The following SYT15 variants were observed in gnomAD, a reference collection of about 807,000 sequenced individuals.
SYT15 encodes synaptotagmin-15.
In SYT15, 4 loss-of-function variants were observed where a neutral mutation model predicts 30.1. The ratio of observed to expected loss-of-function variants is 0.13; its 90% confidence interval spans 0.07 to 0.30. The LOEUF (loss-of-function observed/expected upper bound fraction) is 0.30. Among genes scored for constraint, SYT15 ranks in the 10% least tolerant of loss-of-function variants. SYT15 has a pLI of 1.00. For missense variants in SYT15, 49 were observed against 371.7 expected, an observed-to-expected ratio of 0.13 and a Z score of 7.14; for synonymous variants, 19 against 166.3, an observed-to-expected ratio of 0.11 and a Z score of 6.82.
In SYT15 at chr10:46,591,695, A is replaced by T. The variant is rs1845443699; in HGVS notation, c.*4048A>T. ...CTGATATTTTTGTCTGTTTTTCTAT[A>T]AATTACTGAGAGAGGATAAAGCCTG... On this transcript the variant is annotated 3_prime_UTR_variant, in exon 8 of 8. Transcript: ENST00000374321. The T allele has an allele frequency of 7.0e-6, 1 of 142,104 alleles. No homozygotes were observed. The highest frequency in any genetic ancestry group is 1.5e-5 in the Non-Finnish European group (1 of 65,976). The allele number at this position is 142,104 out of a possible 1,614,324, so 8.8% of individuals were successfully genotyped here.
chr10:46,584,244 C>T (rs1157899581), intron 5 of SYT15, among the ~76,000 whole-genome samples: 3 of 151,850 alleles, frequency 2.0e-5, no homozygotes, highest in Non-Finnish European at 4.4e-5. Context: ...GCCCACCACC[C>T]CCAGGAAGGC....
downstream of SYT15, among the ~76,000 whole-genome samples, chr10:46,595,511 C>T (rs370790938): frequency 6.4e-5 from 9 of 140,948 alleles, no homozygotes; most frequent in African/African-American, 2.5e-4. Context: ...AACGGGGTTT[C>T]TCCATGTTGG....
At chr10:46,596,363 G>A (rs1301832671), downstream of SYT15, 7 of 150,226 alleles carry the variant, frequency 4.7e-5, no homozygotes, top group East Asian at 1.9e-4. Flanking sequence ...GGAAGAAAAC[G>A]ATGATTTTTT....
downstream of SYT15, among the ~76,000 whole-genome samples, chr10:46,594,570 A>C (rs1364822596): frequency 7.0e-6 from 1 of 143,016 alleles, no homozygotes. Context: ...AGCTGCCTTG[A>C]CAACCTCAGT....
chr10:46,586,545 C>CAAA (rs1160617773), intron 7 of SYT15, among the ~76,000 whole-genome samples: 12 of 94,946 alleles, frequency 1.3e-4, no homozygotes, highest in African/African-American at 5.3e-4. Context: ...GACTTCGTCT[C>CAAA]AAAAAAAAAA....
downstream of SYT15, among the ~76,000 whole-genome samples, chr10:46,595,609 CA>C (rs1845653648): frequency 7.0e-6 from 1 of 142,314 alleles, no homozygotes; most frequent in Admixed American, 7.0e-5. Flanking sequence ...GCCACTGCGC[CA>C]GGCCTAATTT....
In SYT15 at chr10:46,590,617, C is replaced by T. The variant is rs1205746633; in HGVS notation, c.*2970C>T. The stretch of plus-strand genomic sequence containing the variant: ...GTATACAAATTGCAGTGGCTAGGAC[C>T]TCCAGCAGAATGCTGACTATAAGTA... On this transcript the variant is annotated 3_prime_UTR_variant, in exon 8 of 8. Coordinates refer to ENST00000374321, the MANE Select transcript of SYT15 (RefSeq NM_031912.5). 2 of 140,168 alleles carry T rather than the reference C, an allele frequency of 1.4e-5. No homozygotes were observed. Among genetic ancestry groups the T allele is most frequent in the Non-Finnish European group, 3.1e-5 (2 of 64,870 alleles). 8.7% of individuals were successfully genotyped at this position (140,168 alleles called of 1,614,324 possible).
At chr10:46,594,103 GT>G (rs1845579277), downstream of SYT15, 1 of 102,500 alleles carries the variant, frequency 9.8e-6, no homozygotes, top group Non-Finnish European at 1.9e-5. Context: ...CCTCCTTCCT[GT>G]TTTGTGGTGT....
chr10:46,594,534 CATG>C (rs1263706242), downstream of SYT15, among the ~76,000 whole-genome samples: 1 of 141,318 alleles, frequency 7.1e-6, no homozygotes, highest in Non-Finnish European at 1.5e-5. Context: ...CTCCCTTCTA[CATG>C]ATATCTCGGC....
chr10:46,596,373 T>A (rs1845686616), downstream of SYT15: 1 of 148,884 alleles, frequency 6.7e-6, no homozygotes, highest in Admixed American at 6.5e-5. Flanking sequence ...GATGATTTTT[T>A]AAACCATCTT....
At chr10:46,592,087 GT>G (rs1845469319), downstream of SYT15, 1 of 134,966 alleles carries the variant, frequency 7.4e-6, no homozygotes, top group Non-Finnish European at 1.6e-5. Context: ...ACCCATTTTT[GT>G]TTTTATTTTT....
chr10:46,584,009 CTACAACAG>C (rs1555039103), intron 5 of SYT15, 107 bp downstream of exon 5: 1 of 564,070 alleles, frequency 1.8e-6, no homozygotes, highest in African/African-American at 2.3e-5. Context: ...GCACACCACC[CTACAACAG>C]TGACTCAGGG....
At chr10:46,592,147 C>T (rs1423056505), downstream of SYT15, 1 of 141,896 alleles carries the variant, frequency 7.0e-6, no homozygotes, top group Non-Finnish European at 1.5e-5. Context: ...CCGTTTCCCC[C>T]CCTACCATTG....
In SYT15 at chr10:46,591,452, CA is replaced by C. The variant is rs1275686448; in HGVS notation, c.*3812del. 3 of 95,600 alleles carry C rather than the reference CA, an allele frequency of 3.1e-5. No individual in the cohort carries two copies. Among genetic ancestry groups the C allele is most frequent in the African/African-American group, 9.1e-5 (2 of 21,900 alleles). 5.9% of individuals were successfully genotyped at this position (95,600 alleles called of 1,614,324 possible). ...ACTATGTTTATGACATAAGTATAAA[CA>C]AAAAAATAAAATAAGTAAATAAATA... On this transcript the variant is annotated 3_prime_UTR_variant, in exon 8 of 8. Transcript: ENST00000374321.
downstream of SYT15, among the ~76,000 whole-genome samples, chr10:46,597,097 G>C (rs1452825633): frequency 7.0e-6 from 1 of 142,140 alleles, no homozygotes; most frequent in Non-Finnish European, 1.5e-5. Flanking sequence ...ATAGTTTGCT[G>C]TTTACATTCC....
At position 46,581,988 on chromosome 10, in the gene SYT15, C is replaced by A. The variant is rs371278933; in HGVS notation, c.448C>A (p.Arg150=). Residue 150 remains arginine, a synonymous_variant, in exon 4 of 8, where the codon CGG becomes AGG. Transcript: ENST00000374321. ...CGACTTCCCCGACGGCTGCCTGGGG[C>A]GGCTGTGGTTCTCGGTGGAATATGA... is the stretch of plus-strand genomic sequence containing the variant. ...ETDFPDGCLG[R]LWFSVEYEQE... 32 of 1,578,476 alleles carry A rather than the reference C, an allele frequency of 2.0e-5. No individual in the cohort carries two copies. Among genetic ancestry groups the A allele is most frequent in the Non-Finnish European group, 2.6e-5 (30 of 1,162,608 alleles).
chr10:46,591,053 C>CATAAA lies in SYT15; in HGVS notation c.*3424_*3428dup, dbSNP rs1391063875. 4.0e-4 allele frequency: 54 copies of CATAAA among 135,566 alleles called. 1 individual carries two copies. The highest frequency in any genetic ancestry group is 6.1e-4 in the Non-Finnish European group (39 of 64,034). The allele number at this position is 135,566 out of a possible 1,614,324, so 8.4% of individuals were successfully genotyped here. A position where few individuals can be genotyped will look rare whatever the true frequency, so the allele number is the denominator to read the frequency against. On this transcript the variant is annotated 3_prime_UTR_variant, in exon 8 of 8. Coordinates refer to ENST00000374321, the MANE Select transcript of SYT15 (RefSeq NM_031912.5). Reference sequence around the variant, plus strand: ...TTAGATTTATTAGAGGGAGCATGGCCATAAAATAAAATAAAATAAAATTTA... The same window carrying CATAAA: ...TTAGATTTATTAGAGGGAGCATGGCCATAAAATAAAATAAAATAAAATAAAATTTA...
At chr10:46,594,616 G>A (rs1265536628), downstream of SYT15, among the ~76,000 whole-genome samples, 8 of 142,620 alleles carry the variant, frequency 5.6e-5, no homozygotes, top group East Asian at 1.6e-3. Flanking sequence ...AGACGACTCT[G>A]CTGCCTTTGC....
rs1164899505 is a variant in SYT15, at chr10:46,590,593, TA to T, written c.*2947del. 7.4e-6 allele frequency: 1 copy of T among 134,390 alleles called. No homozygotes were observed. 8.3% of individuals were successfully genotyped at this position (134,390 alleles called of 1,614,324 possible). On this transcript the variant is annotated 3_prime_UTR_variant, in exon 8 of 8. Coordinates refer to ENST00000374321, the MANE Select transcript of SYT15 (RefSeq NM_031912.5). ...GCAAGGTTGCAAGATATAAAATTGG[TA>T]TACAAATTGCAGTGGCTAGGACCTC...
Sources: allele counts gnomAD v4.1 joint callset (sites outside exome capture counted in the v4.1 genomes callset), GRCh38; gene constraint gnomAD v4.1.1; transcripts MANE v1.5; gene names NCBI Gene and HGNC (gene_info 2026-07-23, HGNC 2026-07-21).